Variants in HYDIN observed in about 807,000 individuals in gnomAD.
HYDIN encodes axonemal central pair apparatus protein HYDIN.
HYDIN carries 132 observed loss-of-function variants against 403.9 expected under a neutral mutation model. The observed-to-expected ratio is 0.33, with a 90% CI of 0.28 to 0.38. The LOEUF (loss-of-function observed/expected upper bound fraction) is 0.38, where lower values mean the gene tolerates loss of function less well. HYDIN is among the 10% of genes least tolerant of loss of function. HYDIN has a pLI of 1.00. For synonymous variants in HYDIN, 1,202 were observed against 1,891.7 expected (o/e 0.64, Z 9.46); for missense variants, 2,827 against 5,009.5 (o/e 0.56, Z 13.15).
intron 36 of HYDIN, among the ~76,000 whole-genome samples, chr16:70,968,915 A>G (rs2078661068): frequency 1.3e-5 from 2 of 152,116 alleles, no homozygotes; most frequent in Non-Finnish European, 2.9e-5. Context: ...CTTGAAGCAA[A>G]TAAAAAAAAG....
Position 70,992,052 on chromosome 16 carries a change from T to C in HYDIN, c.3785+18A>G. On this transcript the variant is annotated intron_variant, in intron 24 of 85. Transcript: ENST00000393567. ...AAGAAAAGCTACTACAAATAATCTATGTTGGCTTTGCACTTACTTAACAAA... is the reference window on the plus strand; with the variant it reads ...AAGAAAAGCTACTACAAATAATCTACGTTGGCTTTGCACTTACTTAACAAA... 3 of 1,613,700 alleles carry C rather than the reference T, an allele frequency of 1.9e-6. No homozygotes were observed. Among genetic ancestry groups the C allele is most frequent in the Non-Finnish European group, 2.5e-6 (3 of 1,179,836 alleles).
chr16:70,979,189 C>G, intron 29 of HYDIN, 148 bp from the exon 30 acceptor site: 8 of 1,024,232 alleles, frequency 7.8e-6, no homozygotes, highest in Non-Finnish European at 1.1e-5. Context: ...CCCCGCTTTC[C>G]CTGCTTCAGA....
intron 20 of HYDIN, among the ~76,000 whole-genome samples, chr16:71,026,349 T>A (rs992725059): frequency 1.3e-5 from 2 of 152,158 alleles, no homozygotes; most frequent in South Asian, 4.1e-4. Context: ...GTGCTCAGGT[T>A]AGGGATGTTA....
At chr16:70,965,231 G>T (rs1169843174) in intron 36 of HYDIN, among the ~76,000 whole-genome samples, 2 of 152,090 alleles carry the variant, frequency 1.3e-5, no homozygotes, top group African/African-American at 4.8e-5. Context: ...TATCTACCTT[G>T]AGTGACAATT....
chr16:71,137,918 AAC>A (rs113958761), intron 7 of HYDIN, among the ~76,000 whole-genome samples: 3 of 148,512 alleles, frequency 2.0e-5, no homozygotes, highest in Non-Finnish European at 2.9e-5. Context: ...AAACAAAAGA[AAC>A]ACACACACAC....
chr16:70,859,444 C>A (rs1025635006), intron 71 of HYDIN, among the ~76,000 whole-genome samples: 5 of 152,228 alleles, frequency 3.3e-5, no homozygotes, highest in African/African-American at 1.2e-4. Flanking sequence ...CTGTATTACC[C>A]ACAAATGTCT....
Position 70,894,508 on chromosome 16 carries a change from T to A in HYDIN, c.9189A>T (p.Thr3063=). 1 of 1,601,584 alleles carries A rather than the reference T, an allele frequency of 6.2e-7. No individual in the cohort carries two copies. Among genetic ancestry groups the A allele is most frequent in the Non-Finnish European group, 8.5e-7 (1 of 1,175,172 alleles). Reference sequence around the variant, plus strand: ...ATTGCAGGGGCTGCTTCGCCTCCTCTGTGACCCTGACAATCCCAAAATCCA... The same window carrying A: ...ATTGCAGGGGCTGCTTCGCCTCCTCAGTGACCCTGACAATCCCAAAATCCA... ...GGLDFGIVRV[T]EEAKQPLQLK... is the part of the protein sequence containing the mutation. The change falls in exon 55 of 86, where the codon ACA becomes ACT. Residue 3063 remains threonine, a synonymous_variant. Coordinates refer to ENST00000393567, the MANE Select transcript of HYDIN (RefSeq NM_001270974.2).
At chr16:71,031,328 A>G (rs1351940033) in intron 19 of HYDIN, 1 of 396,734 alleles carries the variant, frequency 2.5e-6, no homozygotes, top group Non-Finnish European at 3.7e-6. Context: ...TGTATTTTCT[A>G]CATTTGTGGA....
Position 70,833,873 on chromosome 16 carries a change from C to T in HYDIN, c.13679+14G>A. The T allele has an allele frequency of 6.2e-7, 1 of 1,600,874 alleles. No individual in the cohort carries two copies. Among genetic ancestry groups the T allele is most frequent in the Non-Finnish European group, 8.5e-7 (1 of 1,174,754 alleles). The stretch of plus-strand genomic sequence containing the variant: ...TCTGGGGCAGCCTCAGGGTGGGAGA[C>T]ACTGCTCCCTTACCTTGCACCCACA... On this transcript the variant is annotated intron_variant, in intron 79 of 85. Coordinates refer to ENST00000393567, the MANE Select transcript of HYDIN (RefSeq NM_001270974.2).
intron 1 of HYDIN, among the ~76,000 whole-genome samples, chr16:71,224,605 A>G (rs991254326): frequency 5.7e-5 from 7 of 122,712 alleles, no homozygotes; most frequent in Non-Finnish European, 9.5e-5. Flanking sequence ...TCTGTCGCCC[A>G]GGCTGGAGTG....
intron 1 of HYDIN, among the ~76,000 whole-genome samples, chr16:71,195,430 C>A (rs2087646580): frequency 6.6e-6 from 1 of 152,090 alleles, no homozygotes; most frequent in African/African-American, 2.4e-5. Flanking sequence ...ATTATTTTTA[C>A]CCCCAAACAC....
At chr16:70,897,561 T>C (rs1362462229) in intron 53 of HYDIN, among the ~76,000 whole-genome samples, 1 of 147,576 alleles carries the variant, frequency 6.8e-6, no homozygotes, top group Non-Finnish European at 1.5e-5. Context: ...AGTGCCTCCC[T>C]CCTGAGGGAT....
intron 1 of HYDIN, among the ~76,000 whole-genome samples, chr16:71,227,294 C>T (rs1384203022): frequency 1.3e-5 from 2 of 151,870 alleles, no homozygotes; most frequent in East Asian, 3.9e-4. Flanking sequence ...CCAGGAAATG[C>T]AAATTAAAAG....
At chr16:71,003,901 C>T (rs911492282) in intron 23 of HYDIN, among the ~76,000 whole-genome samples, 32 of 151,712 alleles carry the variant, frequency 2.1e-4, no homozygotes, top group African/African-American at 7.5e-4. Flanking sequence ...GATTATTTTG[C>T]GTTTTCCATG....
At chr16:71,177,366 T>TA (rs890739435) in intron 4 of HYDIN, among the ~76,000 whole-genome samples, 1 of 152,232 alleles carries the variant, frequency 6.6e-6, no homozygotes, top group African/African-American at 2.4e-5. Context: ...CATGAAAAGA[T>TA]AGAGCCCTAA....
At chr16:71,139,095 G>GAAAAAAAAAAAAA (rs71758936) in intron 7 of HYDIN, among the ~76,000 whole-genome samples, 2 of 103,812 alleles carry the variant, frequency 1.9e-5, no homozygotes, top group African/African-American at 4.7e-5. Flanking sequence ...AAATAAAGAA[G>GAAAAAAAAAAAAA]AAAAAAAAAA....
At chr16:71,021,368 C>T (rs1180035663) in intron 21 of HYDIN, among the ~76,000 whole-genome samples, 2 of 151,738 alleles carry the variant, frequency 1.3e-5, no homozygotes, top group East Asian at 1.9e-4. Context: ...AGGCACGTGC[C>T]ACCATGCCCA....
intron 1 of HYDIN, among the ~76,000 whole-genome samples, chr16:71,192,386 T>A (rs752583791): frequency 6.6e-6 from 1 of 152,160 alleles, no homozygotes; most frequent in African/African-American, 2.4e-5. Context: ...ACAGTGACCT[T>A]TCCAAAGGGA....
chr16:70,979,530 G>C (rs1263396679), intron 29 of HYDIN, among the ~76,000 whole-genome samples: 1 of 152,162 alleles, frequency 6.6e-6, no homozygotes, highest in Admixed American at 6.6e-5. Context: ...ACATTATCCT[G>C]AATCAGGGAG....
Sources: gnomAD v4.1 joint callset for allele counts (sites outside exome capture counted in the v4.1 genomes callset) on GRCh38, gnomAD v4.1.1 for gene constraint, MANE v1.5 for transcripts, NCBI Gene and HGNC (gene_info 2026-07-23, HGNC 2026-07-21) for gene names.